Variants in ODR4 observed in about 807,000 individuals in gnomAD.
The protein encoded by ODR4 is odr-4 GPCR localization factor homolog.
Under a neutral mutation model 60.2 loss-of-function variants are expected in ODR4, and 47 were observed. The observed-to-expected ratio is 0.78, with a 90% CI of 0.62 to 1.00. The LOEUF (loss-of-function observed/expected upper bound fraction) is 1.00, where lower values mean the gene tolerates loss of function less well. Among genes scored for constraint, ODR4 ranks in the 50% least tolerant of loss-of-function variants. The pLI is 0.00. For synonymous variants in ODR4, 178 were observed against 175.5 expected, an observed-to-expected ratio of 1.01 and a Z score of -0.11; for missense variants, 488 against 530.8, an observed-to-expected ratio of 0.92 and a Z score of 0.79.
At chr1:186,429,376 A>G in the ODR4 span, among the ~76,000 whole-genome samples, 1 of 152,214 alleles carries the variant, frequency 6.6e-6, no homozygotes, top group Admixed American at 6.5e-5. Context: ...AAAAATTACG[A>G]TAGACTTGCT....
chr1:186,406,264 C>T lies in ODR4; in HGVS notation c.1182C>T (p.Asn394=). Residue 394 remains asparagine, a synonymous_variant, in exon 12 of 14, where the codon AAC becomes AAT. Transcript: ENST00000287859. ...IEDLEIAEET[N]TACMSSSMNS... Reference sequence around the variant, plus strand: ...ATTTGGAAATTGCAGAGGAAACAAACACAGGTCATTATATGATGCTATTTA... The same window carrying T: ...ATTTGGAAATTGCAGAGGAAACAAATACAGGTCATTATATGATGCTATTTA... 1 of 1,597,108 alleles carries T rather than the reference C, an allele frequency of 6.3e-7. No homozygotes were observed. Among genetic ancestry groups the T allele is most frequent in the Middle Eastern group, 1.7e-4 (1 of 6,006 alleles).
intron 1 of ODR4, 140 bp from the exon 2 acceptor site, chr1:186,379,627 A>G: frequency 2.0e-6 from 1 of 498,482 alleles, no homozygotes; most frequent in East Asian, 3.3e-5. Context: ...AAGAAGGAAT[A>G]CACTATGTAA....
chr1:186,422,634 A>G (rs577052161), downstream of ODR4, among the ~76,000 whole-genome samples: 3 of 152,288 alleles, frequency 2.0e-5, no homozygotes, highest in East Asian at 5.8e-4. Flanking sequence ...TAAATATTAC[A>G]TTTACATGTT....
intron 12 of ODR4, chr1:186,411,939 A>G (rs577968777): frequency 1.1e-4 from 50 of 452,462 alleles, no homozygotes; most frequent in Middle Eastern, 2.3e-3. Flanking sequence ...TGGTTTCTAG[A>G]TGATATTACA....
intron 11 of ODR4, chr1:186,401,200 T>C (rs1483642844): frequency 6.4e-6 from 10 of 1,563,028 alleles, no homozygotes; most frequent in Non-Finnish European, 7.9e-6. Context: ...TGATGTTCAA[T>C]TAGTAAAATT....
intron 11 of ODR4, chr1:186,401,045 T>G: frequency 6.3e-7 from 1 of 1,592,608 alleles, no homozygotes; most frequent in Non-Finnish European, 8.6e-7. Context: ...ATTTGCAGGG[T>G]ATGGGGATGT....
In ODR4 at chr1:186,406,142, A is replaced by G; in HGVS notation, c.1060A>G (p.Thr354Ala). ...YRVFVPLPGSTVMLCDYKFDD... is the reference protein window; with the variant it reads ...YRVFVPLPGSAVMLCDYKFDD... The stretch of plus-strand genomic sequence containing the variant: ...AGTCTTTGTTCCCCTTCCTGGATCC[A>G]CTGTAATGTTGTGTGATTATAAATT... The change falls in exon 12 of 14, where the codon ACT becomes GCT. Residue 354 changes from threonine to alanine, a missense_variant. Thr to Ala is a moderately conservative substitution (Grantham distance 58). Coordinates refer to ENST00000287859, the MANE Select transcript of ODR4 (RefSeq NM_017847.6). 6.2e-7 allele frequency: 1 copy of G among 1,608,378 alleles called. No individual in the cohort carries two copies. The highest frequency in any genetic ancestry group is 8.5e-7 in the Non-Finnish European group (1 of 1,177,482).
intron 8 of ODR4, 122 bp from the exon 9 acceptor site, chr1:186,393,820 CTAAAT>C: frequency 6.5e-6 from 4 of 619,498 alleles, no homozygotes; most frequent in Non-Finnish European, 8.6e-6. Flanking sequence ...ATATAAAAAG[CTAAAT>C]TAAAATAATT....
intron 12 of ODR4, among the ~76,000 whole-genome samples, chr1:186,415,968 A>G (rs531886027): frequency 4.6e-5 from 7 of 152,298 alleles, no homozygotes; most frequent in Admixed American, 2.6e-4. Context: ...TTCAAGGTCA[A>G]ATTTTTGATC....
intron 12 of ODR4, among the ~76,000 whole-genome samples, chr1:186,415,632 T>G (rs1661535127): frequency 6.6e-6 from 1 of 152,182 alleles, no homozygotes; most frequent in Non-Finnish European, 1.5e-5. Context: ...TAGCATACTT[T>G]CATCTTTTTT....
At chr1:186,394,089 C>A in intron 9 of ODR4, 74 bp downstream of exon 9, 2 of 901,138 alleles carry the variant, frequency 2.2e-6, no homozygotes, top group Non-Finnish European at 3.4e-6. Context: ...TTTTATTTTT[C>A]TCATTAGAGA....
chr1:186,393,154 G>A (rs952751381), intron 8 of ODR4, among the ~76,000 whole-genome samples: 2 of 152,060 alleles, frequency 1.3e-5, no homozygotes, highest in Admixed American at 6.6e-5. Flanking sequence ...AGAAGGAGAG[G>A]ATCAGGAAAA....
Position 186,379,774 on chromosome 1 carries a change from T to C in ODR4, c.-12T>C, listed in dbSNP as rs779250235. The C allele has an allele frequency of 6.6e-7, 1 of 1,524,516 alleles. No homozygotes were observed. Among genetic ancestry groups the C allele is most frequent in the East Asian group, 2.3e-5 (1 of 43,936 alleles). 94.4% of individuals were successfully genotyped at this position (1,524,516 alleles called of 1,614,324 possible). On this transcript the variant is annotated 5_prime_UTR_variant, in exon 2 of 14. Coordinates refer to ENST00000287859, the MANE Select transcript of ODR4 (RefSeq NM_017847.6). ...TTTCTTCTTGTGATATAGGAGATTT[T>C]AGTTCCTAAAAATGGGAAGAACCTA...
At chr1:186,384,572 G>GACACACAC (rs368870659) in intron 3 of ODR4, among the ~76,000 whole-genome samples, 6,167 of 129,530 alleles carry the variant, frequency 0.048, 169 homozygotes, top group East Asian at 0.13. Context: ...AATTGTATAT[G>GACACACAC]ACACACACAC....
the ODR4 span, among the ~76,000 whole-genome samples, chr1:186,427,771 T>G: frequency 6.6e-6 from 1 of 152,210 alleles, no homozygotes; most frequent in African/African-American, 2.4e-5. Context: ...TAATAAAAGT[T>G]GAAAGTCAGA....
At chr1:186,417,119 T>C (rs761997779) in intron 12 of ODR4, among the ~76,000 whole-genome samples, 1 of 151,806 alleles carries the variant, frequency 6.6e-6, no homozygotes, top group African/African-American at 2.4e-5. Flanking sequence ...CACACCACCA[T>C]GCCCGTCTAA....
chr1:186,418,076 T>C (rs1404761432), intron 13 of ODR4, among the ~76,000 whole-genome samples: 1 of 152,144 alleles, frequency 6.6e-6, no homozygotes, highest in African/African-American at 2.4e-5. Context: ...ACTTTAACAG[T>C]TTTCAGAATT....
chr1:186,391,388 C>T (rs1660463745), intron 7 of ODR4, among the ~76,000 whole-genome samples: 1 of 143,612 alleles, frequency 7.0e-6, no homozygotes, highest in South Asian at 2.2e-4. Flanking sequence ...GCTTTTTTCT[C>T]ACTTTTTTTT....
intron 11 of ODR4, among the ~76,000 whole-genome samples, chr1:186,402,726 T>C (rs946538429): frequency 4.6e-5 from 7 of 152,160 alleles, no homozygotes; most frequent in Non-Finnish European, 1.5e-5. Context: ...TAGCTGGGAC[T>C]ACAAGCGCAC....
Sources: gnomAD v4.1 joint callset for allele counts (sites outside exome capture counted in the v4.1 genomes callset) on GRCh38, gnomAD v4.1.1 for gene constraint, MANE v1.5 for transcripts, NCBI Gene and HGNC (gene_info 2026-07-23, HGNC 2026-07-21) for gene names.